PNOC: variants seen among roughly 807,000 people sequenced by gnomAD.
The protein encoded by PNOC is nociceptin.
PNOC carries 10 observed loss-of-function variants against 15.6 expected under a neutral mutation model. That is an observed-to-expected ratio of 0.64 (90% CI 0.40 to 1.09). The LOEUF is 1.09. PNOC is among the 50% of genes least tolerant of loss of function. PNOC has a pLI of 0.01. For missense variants in PNOC, 220 were observed against 223.9 expected (o/e 0.98, Z 0.11); for synonymous variants, 98 against 88.5 (o/e 1.11, Z -0.60).
intron 3 of PNOC, among the ~76,000 whole-genome samples, chr8:28,342,682 G>A (rs1183197134): frequency 1.3e-5 from 2 of 152,152 alleles, no homozygotes; most frequent in Non-Finnish European, 2.9e-5. Context: ...ACTGTTCCCC[G>A]GGAAGGGGCT....
At chr8:28,340,802 A>G (rs917383386) in intron 3 of PNOC, among the ~76,000 whole-genome samples, 1 of 152,134 alleles carries the variant, frequency 6.6e-6, no homozygotes, top group East Asian at 1.9e-4. Context: ...GGAAAAGGGG[A>G]GGTCCCAGCC....
intron 1 of PNOC, among the ~76,000 whole-genome samples, chr8:28,328,517 G>GCA (rs1238027246): frequency 7.9e-6 from 1 of 126,530 alleles, no homozygotes; most frequent in Non-Finnish European, 1.9e-5. Context: ...AGAATTCGGG[G>GCA]TATGGGGGGT....
At chr8:28,322,159 C>T (rs565449474) in intron 1 of PNOC, among the ~76,000 whole-genome samples, 2 of 152,148 alleles carry the variant, frequency 1.3e-5, no homozygotes, top group East Asian at 1.9e-4. Flanking sequence ...GAGGCTGAGG[C>T]GGGAGGATCA....
intron 3 of PNOC, among the ~76,000 whole-genome samples, chr8:28,342,245 T>A: frequency 6.7e-6 from 1 of 149,954 alleles, no homozygotes; most frequent in Non-Finnish European, 1.5e-5. Context: ...CCCAGCTACT[T>A]GGGAGGCTGA....
rs1356553598 is a variant in PNOC, at chr8:28,329,241, C to T, written c.84C>T (p.Cys28=). 1 of 1,614,018 alleles carries T rather than the reference C, an allele frequency of 6.2e-7. No homozygotes were observed. The highest frequency in any genetic ancestry group is 8.5e-7 in the Non-Finnish European group (1 of 1,180,032). The change falls in exon 2 of 4, where the codon TGC becomes TGT. Residue 28 remains cysteine, a synonymous_variant. Transcript: ENST00000301908. Reference sequence around the variant, plus strand: ...GTTGTCAGAGGGACTGTCTCACATGCCAGGAGAAGCTCCACCCAGCCCTGG... The same window carrying T: ...GTTGTCAGAGGGACTGTCTCACATGTCAGGAGAAGCTCCACCCAGCCCTGG... ...FSSCQRDCLT[C]QEKLHPALDS...
intron 1 of PNOC, among the ~76,000 whole-genome samples, chr8:28,327,738 A>G (rs1341366773): frequency 6.6e-6 from 1 of 150,594 alleles, no homozygotes; most frequent in Non-Finnish European, 1.5e-5. Flanking sequence ...CTAGTCTTGA[A>G]CTCCTGACCT....
intron 1 of PNOC, among the ~76,000 whole-genome samples, 183 bp downstream of exon 1, chr8:28,317,499 G>C (rs1216847428): frequency 6.6e-6 from 1 of 152,084 alleles, no homozygotes; most frequent in Non-Finnish European, 1.5e-5. Flanking sequence ...TTGGATGGTG[G>C]GGAACGGGGG....
At chr8:28,338,210 C>A (rs1484163499) in intron 2 of PNOC, among the ~76,000 whole-genome samples, 1 of 152,102 alleles carries the variant, frequency 6.6e-6, no homozygotes, top group Non-Finnish European at 1.5e-5. Context: ...GGGGCAGAGG[C>A]TTCCAGGAGA....
At chr8:28,320,080 C>G (rs370378946) in intron 1 of PNOC, among the ~76,000 whole-genome samples, 52 of 35,082 alleles carry the variant, frequency 1.5e-3, no homozygotes, top group South Asian at 7.1e-3. Flanking sequence ...TTGTTTCTTT[C>G]TTTCTTTCTT....
intron 2 of PNOC, among the ~76,000 whole-genome samples, chr8:28,333,509 G>T (rs1025183581): frequency 3.3e-5 from 5 of 152,186 alleles, no homozygotes; most frequent in Admixed American, 3.3e-4. Context: ...TGCCCATCTG[G>T]TGCTACAAAT....
At chr8:28,318,779 G>A (rs987639652) in intron 1 of PNOC, among the ~76,000 whole-genome samples, 2 of 152,230 alleles carry the variant, frequency 1.3e-5, no homozygotes, top group African/African-American at 2.4e-5. Context: ...GTACAGCCTC[G>A]GGTCATTTTG....
At chr8:28,337,326 A>G (rs1801427630) in intron 2 of PNOC, among the ~76,000 whole-genome samples, 1 of 152,130 alleles carries the variant, frequency 6.6e-6, no homozygotes, top group Non-Finnish European at 1.5e-5. Context: ...CTTTTTAGGC[A>G]AAGTCTCACT....
intron 2 of PNOC, among the ~76,000 whole-genome samples, chr8:28,331,688 C>T (rs751372588): frequency 8.5e-5 from 13 of 152,318 alleles, no homozygotes; most frequent in Non-Finnish European, 4.4e-5. Context: ...AAATCCCAGT[C>T]GCACTTCAAA....
intron 2 of PNOC, among the ~76,000 whole-genome samples, chr8:28,332,860 A>G (rs1404936222): frequency 6.6e-6 from 1 of 152,256 alleles, no homozygotes; most frequent in Non-Finnish European, 1.5e-5. Context: ...CTGAGGCAGA[A>G]GAATCACTTA....
At chr8:28,340,043 T>G (rs553793575) in intron 3 of PNOC, 1 of 152,340 alleles carries the variant, frequency 6.6e-6, no homozygotes, top group South Asian at 2.1e-4. Context: ...CTGTTAAGAT[T>G]AGGAGTTGTG....
At chr8:28,324,973 G>A (rs961479003) in intron 1 of PNOC, among the ~76,000 whole-genome samples, 6 of 152,090 alleles carry the variant, frequency 3.9e-5, no homozygotes, top group Non-Finnish European at 7.4e-5. Context: ...GCTTACAAAC[G>A]TTAACCCACT....
At chr8:28,326,343 C>T (rs2129860037) in intron 1 of PNOC, among the ~76,000 whole-genome samples, 1 of 152,024 alleles carries the variant, frequency 6.6e-6, no homozygotes, top group East Asian at 1.9e-4. Flanking sequence ...CAGAGCGAGA[C>T]CATCTCAAAC....
At chr8:28,317,265 C>G (rs553662371), upstream of PNOC, 1 of 152,374 alleles carries the variant, frequency 6.6e-6, no homozygotes, top group Non-Finnish European at 1.5e-5. Context: ...GCTGAGAAAG[C>G]GGAACCGAGC....
chr8:28,338,951 A>G (rs1585841177), intron 2 of PNOC, 89 bp from the exon 3 acceptor site: 2 of 1,255,562 alleles, frequency 1.6e-6, no homozygotes, highest in East Asian at 4.7e-5. Flanking sequence ...AAGCACTTGC[A>G]CTGGTGCAGT....
Sources: gnomAD v4.1 joint callset for allele counts (sites outside exome capture counted in the v4.1 genomes callset) on GRCh38, gnomAD v4.1.1 for gene constraint, MANE v1.5 for transcripts, NCBI Gene and HGNC (gene_info 2026-07-23, HGNC 2026-07-21) for gene names.